The following CENPP variants were observed in gnomAD, a reference collection of about 807,000 sequenced individuals.
The protein encoded by CENPP is centromere protein P.
Under a neutral mutation model 35.6 loss-of-function variants are expected in CENPP, and 24 were observed. The observed-to-expected ratio is 0.67, with a 90% CI of 0.49 to 0.95. The LOEUF is 0.95. Ranked by LOEUF, CENPP falls within the 40% of genes least tolerant of loss-of-function variation. CENPP has a pLI of 0.00. For missense variants in CENPP, 332 were observed against 345.3 expected, an observed-to-expected ratio of 0.96 and a Z score of 0.31; for synonymous variants, 120 against 125.5, an observed-to-expected ratio of 0.96 and a Z score of 0.29.
chr9:92,560,261 A>G (rs1252567243), intron 5 of CENPP, among the ~76,000 whole-genome samples: 1 of 152,254 alleles, frequency 6.6e-6, no homozygotes, highest in Non-Finnish European at 1.5e-5. Context: ...TTCTCATATC[A>G]TGACTGAAGA....
intron 5 of CENPP, among the ~76,000 whole-genome samples, chr9:92,595,979 A>C (rs1370479201): frequency 2.0e-5 from 3 of 152,186 alleles, no homozygotes; most frequent in Non-Finnish European, 4.4e-5. Flanking sequence ...TTTAAACTTT[A>C]AATTCTATAC....
intron 5 of CENPP, among the ~76,000 whole-genome samples, chr9:92,540,887 G>C (rs192950816): frequency 6.6e-6 from 1 of 152,160 alleles, no homozygotes; most frequent in Admixed American, 6.5e-5. Context: ...ATATTAAAGA[G>C]CAAAAATATC....
intron 5 of CENPP, among the ~76,000 whole-genome samples, chr9:92,546,780 A>T (rs1017843597): frequency 2.0e-5 from 3 of 152,258 alleles, no homozygotes; most frequent in Non-Finnish European, 4.4e-5. Context: ...TATTTAGATT[A>T]CATGAATAAT....
chr9:92,408,857 G>A (rs966059881), intron 5 of CENPP, among the ~76,000 whole-genome samples: 14 of 152,120 alleles, frequency 9.2e-5, no homozygotes, highest in Admixed American at 7.2e-4. Flanking sequence ...GATACACATA[G>A]ACCCTTTTTA....
chr9:92,576,776 T>C (rs1352373463), intron 5 of CENPP, among the ~76,000 whole-genome samples: 18 of 152,162 alleles, frequency 1.2e-4, no homozygotes, highest in Admixed American at 1.2e-3. Flanking sequence ...TACAGATTAT[T>C]ACAGGCATGA....
intron 5 of CENPP, among the ~76,000 whole-genome samples, chr9:92,447,597 T>A (rs1324649004): frequency 1.3e-5 from 2 of 152,174 alleles, no homozygotes; most frequent in Admixed American, 1.3e-4. Context: ...TCCATGACCC[T>A]AGGGTTATAG....
chr9:92,549,418 G>A (rs1035390341), intron 5 of CENPP, among the ~76,000 whole-genome samples: 1 of 152,098 alleles, frequency 6.6e-6, no homozygotes, highest in African/African-American at 2.4e-5. Context: ...AGGCCGAGAC[G>A]GGTGGATCAC....
intron 5 of CENPP, among the ~76,000 whole-genome samples, chr9:92,562,057 A>C (rs1330193426): frequency 6.6e-6 from 1 of 152,156 alleles, no homozygotes; most frequent in African/African-American, 2.4e-5. Flanking sequence ...TAAGACAAAA[A>C]CTAGATGGCT....
chr9:92,377,532 A>G (rs1842151891), intron 4 of CENPP, among the ~76,000 whole-genome samples: 2 of 152,170 alleles, frequency 1.3e-5, no homozygotes, highest in Non-Finnish European at 2.9e-5. Context: ...ACAGTACTAC[A>G]AAACGCTCTT....
Position 92,514,742 on chromosome 9 carries a change from G to A in CENPP, c.565-96572G>A, listed in dbSNP as rs138567683. 1.5e-4 allele frequency: 245 copies of A among 1,614,156 alleles called. No individual in the cohort carries two copies. In the African/African-American group the frequency reaches 2.4e-3, roughly 16 times the overall value. On this transcript the variant is annotated intron_variant, in intron 5 of 7. Transcript: ENST00000375587. ...GACAGAGAGCACCCGCTTGGCAGGC[G>A]CAGTGTGCCTCTGGGAGGAGCAGGA...
intron 5 of CENPP, chr9:92,509,844 A>G: frequency 2.0e-6 from 3 of 1,528,768 alleles, no homozygotes; most frequent in Non-Finnish European, 2.6e-6. Context: ...TTTCTACAGG[A>G]CTATATAGGA....
chr9:92,416,231 C>T (rs908699987), intron 5 of CENPP, among the ~76,000 whole-genome samples: 1 of 151,540 alleles, frequency 6.6e-6, no homozygotes, highest in African/African-American at 2.4e-5. Flanking sequence ...TCTTAAGTAG[C>T]TGGGAGTACA....
chr9:92,567,226 G>C (rs1400911687), intron 5 of CENPP, among the ~76,000 whole-genome samples: 1 of 151,742 alleles, frequency 6.6e-6, no homozygotes, highest in African/African-American at 2.4e-5. Context: ...ATCTCAATAA[G>C]GCAAATAGAG....
At chr9:92,384,611 C>T (rs1218757925) in intron 5 of CENPP, 1 of 152,096 alleles carries the variant, frequency 6.6e-6, no homozygotes, top group African/African-American at 2.4e-5. Flanking sequence ...GTCAGTTTAT[C>T]ATGAGTAATC....
intron 5 of CENPP, among the ~76,000 whole-genome samples, chr9:92,461,329 T>C (rs913290663): frequency 6.6e-5 from 10 of 152,216 alleles, no homozygotes; most frequent in Admixed American, 3.9e-4. Flanking sequence ...TTTACTGTCA[T>C]CTAATATAGT....
At chr9:92,437,558 T>C (rs1407195190) in intron 5 of CENPP, among the ~76,000 whole-genome samples, 1 of 149,508 alleles carries the variant, frequency 6.7e-6, no homozygotes, top group African/African-American at 2.5e-5. Flanking sequence ...CACAGGCATA[T>C]GCCAACACAC....
At chr9:92,595,545 TTTTTGTTTTTTGTTTTTG>T in intron 5 of CENPP, among the ~76,000 whole-genome samples, 1 of 151,466 alleles carries the variant, frequency 6.6e-6, no homozygotes, top group East Asian at 1.9e-4. Flanking sequence ...TCTGCTCAGT[TTTTTGTTTTTTGTTTTTG>T]TTTTGTTTTT....
chr9:92,416,490 A>G (rs1415430069), intron 5 of CENPP: 1 of 601,776 alleles, frequency 1.7e-6, no homozygotes, highest in East Asian at 2.9e-5. Flanking sequence ...GATTTCTGCC[A>G]TTCCCTTAAG....
At chr9:92,508,197 C>T (rs957851261) in intron 5 of CENPP, among the ~76,000 whole-genome samples, 1 of 152,168 alleles carries the variant, frequency 6.6e-6, no homozygotes, top group Non-Finnish European at 1.5e-5. Context: ...GCCCAGCACC[C>T]GAGGGGCCAG....
Sources: gnomAD v4.1 joint callset for allele counts (sites outside exome capture counted in the v4.1 genomes callset) on GRCh38, gnomAD v4.1.1 for gene constraint, MANE v1.5 for transcripts, NCBI Gene and HGNC (gene_info 2026-07-23, HGNC 2026-07-21) for gene names.